BEST3: variants seen among roughly 807,000 people sequenced by gnomAD.
BEST3 encodes the protein bestrophin-3.
BEST3 carries 50 observed loss-of-function variants against 47.1 expected under a neutral mutation model. That is an observed-to-expected ratio of 1.06 (90% confidence interval 0.85 to 1.34). The LOEUF is 1.34. BEST3 is among the 40% of genes most tolerant of loss of function. The pLI, the probability that BEST3 is intolerant of heterozygous loss-of-function variation, is 0.00. For synonymous variants in BEST3, 282 were observed against 298.8 expected, an observed-to-expected ratio of 0.94 and a Z score of 0.58; for missense variants, 765 against 817.0, an observed-to-expected ratio of 0.94 and a Z score of 0.78.
chr12:69,672,206 A>G (rs1003377236), intron 8 of BEST3, among the ~76,000 whole-genome samples: 3 of 152,220 alleles, frequency 2.0e-5, no homozygotes, highest in African/African-American at 7.2e-5. Flanking sequence ...AGAGACTGAC[A>G]TTGGGATCTA....
chr12:69,674,580 T>C (rs1884785409), intron 7 of BEST3, among the ~76,000 whole-genome samples: 1 of 152,226 alleles, frequency 6.6e-6, no homozygotes. Flanking sequence ...CTTAGATTAA[T>C]TAAGGGTACT....
intron 9 of BEST3, among the ~76,000 whole-genome samples, 156 bp from the exon 10 acceptor site, chr12:69,655,969 C>A (rs1883466712): frequency 6.6e-6 from 1 of 152,154 alleles, no homozygotes; most frequent in African/African-American, 2.4e-5. Flanking sequence ...GAGGCTCACA[C>A]ACTTTTTGAT....
chr12:69,655,886 T>G (rs1374720464), intron 9 of BEST3, 73 bp from the exon 10 acceptor site: 1 of 1,505,046 alleles, frequency 6.6e-7, no homozygotes, highest in African/African-American at 1.4e-5. Context: ...GTCTCAAAGT[T>G]AAGAGATGAC....
intron 9 of BEST3, among the ~76,000 whole-genome samples, chr12:69,647,591 G>T (rs549606063): frequency 6.6e-6 from 1 of 152,072 alleles, no homozygotes; most frequent in Non-Finnish European, 1.5e-5. Flanking sequence ...TAGATGGGGG[G>T]ATAATTGGCT....
intron 9 of BEST3, among the ~76,000 whole-genome samples, chr12:69,665,768 T>G (rs1327846286): frequency 6.6e-6 from 1 of 152,232 alleles, no homozygotes; most frequent in Admixed American, 6.5e-5. Context: ...ACCCCATCAA[T>G]TCAGACTTCT....
Position 69,654,961 on chromosome 12 carries a change from G to A in BEST3, c.1953C>T (p.Thr651=), listed in dbSNP as rs748866944. 6.2e-7 allele frequency: 1 copy of A among 1,614,000 alleles called. No individual in the cohort carries two copies. ...TCAGCTCTATGATATCTGTTTCCTT[G>A]GTGTCCAGGTTTTCCATTAAATACA... is the stretch of plus-strand genomic sequence containing the variant. ...DMLYLMENLD[T]KETDIIELNK... Residue 651 remains threonine (T), a synonymous_variant, in exon 10 of 10, where the codon ACC becomes ACT. Coordinates refer to ENST00000330891, the MANE Select transcript of BEST3 (RefSeq NM_032735.3).
intron 7 of BEST3, among the ~76,000 whole-genome samples, chr12:69,674,425 G>A (rs956440591): frequency 2.0e-5 from 3 of 152,088 alleles, no homozygotes; most frequent in Admixed American, 6.5e-5. Context: ...AGCTCCCAGA[G>A]GATTTTCATA....
intron 4 of BEST3, among the ~76,000 whole-genome samples, chr12:69,686,771 C>CA (rs1555208491): frequency 1.0e-4 from 5 of 49,934 alleles, no homozygotes; most frequent in East Asian, 6.4e-4. Context: ...GATTCTGCCT[C>CA]AAAAAAACAA....
chr12:69,653,529 G>A (rs1030047187), downstream of BEST3: 7 of 662,934 alleles, frequency 1.1e-5, no homozygotes, highest in African/African-American at 2.0e-5. Flanking sequence ...TGTTTCTCTC[G>A]TCTTTAAAAT....
At chr12:69,676,439 TGG>T (rs1290220344) in intron 7 of BEST3, among the ~76,000 whole-genome samples, 2 of 144,434 alleles carry the variant, frequency 1.4e-5, no homozygotes, top group East Asian at 4.0e-4. Flanking sequence ...AAAAAGAAAA[TGG>T]GGTACACTTA....
In BEST3 at chr12:69,697,339, A is replaced by G. The variant is rs1886167291; in HGVS notation, c.152+308T>C. Among the ~76,000 whole-genome samples the G allele has an allele frequency of 2.6e-5, 4 of 152,194 alleles. No homozygotes were observed. In the South Asian group the frequency reaches 8.3e-4, roughly 31 times the overall value. ...TATTGTCTGTGGACTTTGCCCATTC[A>G]AAAGTCTTTACACAGTAAAGATCTA... On this transcript the variant is annotated intron_variant, in intron 2 of 9. Transcript: ENST00000330891.
chr12:69,657,933 C>T (rs772672677), intron 9 of BEST3, among the ~76,000 whole-genome samples: 58 of 152,284 alleles, frequency 3.8e-4, no homozygotes, highest in Admixed American at 5.9e-4. Context: ...TCTATTACAT[C>T]GACTTGAGAA....
In BEST3 at chr12:69,676,897, C is replaced by T. The variant is rs778490693; in HGVS notation, c.867+19G>A. On this transcript the variant is annotated intron_variant, in intron 7 of 9. Coordinates refer to ENST00000330891, the MANE Select transcript of BEST3 (RefSeq NM_032735.3). ...GAACATAACACATTACAAAGTGGGG[C>T]CCTGAGACCACTGGCTACCTTAAGC... 11 of 1,610,858 alleles carry T rather than the reference C, an allele frequency of 6.8e-6. No homozygotes were observed. Among genetic ancestry groups the T allele is most frequent in the Non-Finnish European group, 9.3e-6 (11 of 1,178,254 alleles).
intron 4 of BEST3, among the ~76,000 whole-genome samples, chr12:69,690,677 T>C (rs1285866838): frequency 6.6e-6 from 1 of 152,222 alleles, no homozygotes; most frequent in Non-Finnish European, 1.5e-5. Context: ...ATCACCTCTG[T>C]TCATCCAAGT....
At chr12:69,688,547 G>A (rs79209597) in intron 4 of BEST3, among the ~76,000 whole-genome samples, 4,357 of 152,264 alleles carry the variant, frequency 0.029, 230 homozygotes, top group African/African-American at 0.1. Context: ...TCAGAATAAT[G>A]TAACTTGACT....
chr12:69,654,751 A>G lies in BEST3; in HGVS notation c.*156T>C. The G allele has an allele frequency of 7.3e-7, 1 of 1,362,562 alleles. No homozygotes were observed. The highest frequency in any genetic ancestry group is 9.5e-7 in the Non-Finnish European group (1 of 1,057,316). 84.4% of individuals were successfully genotyped at this position (1,362,562 alleles called of 1,614,324 possible). On this transcript the variant is annotated 3_prime_UTR_variant, in exon 10 of 10. Transcript: ENST00000330891. ...GATTTTTCGCAGCTCTCAAAAAGTC[A>G]GGATCATAATGCCCTTCAAAGTTCT...
At chr12:69,683,500 A>G (rs775470) in intron 4 of BEST3, 109,836 of 152,076 alleles carry the variant, frequency 0.72, 39,707 homozygotes, top group South Asian at 0.81. Flanking sequence ...TCATTGCTCC[A>G]TTCACTGAGA....
intron 9 of BEST3, among the ~76,000 whole-genome samples, chr12:69,645,235 C>A (rs1201910121): frequency 1.3e-5 from 2 of 152,146 alleles, no homozygotes; most frequent in Non-Finnish European, 2.9e-5. Flanking sequence ...TGGCTAAGGG[C>A]AGACTGATGA....
At chr12:69,673,346 T>A (rs1884699795) in intron 7 of BEST3, among the ~76,000 whole-genome samples, 1 of 152,192 alleles carries the variant, frequency 6.6e-6, no homozygotes, top group African/African-American at 2.4e-5. Flanking sequence ...GCCCAGATGA[T>A]AAGACAAAAT....
Sources: gnomAD v4.1 joint callset for allele counts (sites outside exome capture counted in the v4.1 genomes callset) on GRCh38, gnomAD v4.1.1 for gene constraint, MANE v1.5 for transcripts, NCBI Gene and HGNC (gene_info 2026-07-23, HGNC 2026-07-21) for gene names.